The following MFF variants were observed in gnomAD, a reference collection of about 807,000 sequenced individuals.
MFF encodes the protein mitochondrial fission factor, also known as chromosome 2 open reading frame 33.
A neutral mutation model predicts 36.9 loss-of-function variants in MFF; 12 were observed. The ratio of observed to expected loss-of-function variants is 0.33; its 90% confidence interval spans 0.21 to 0.53. The LOEUF (loss-of-function observed/expected upper bound fraction) is 0.53, where lower values mean the gene tolerates loss of function less well. Among genes scored for constraint, MFF ranks in the 20% least tolerant of loss-of-function variants. The pLI, the probability that MFF is intolerant of heterozygous loss-of-function variation, is 0.95. For synonymous variants in MFF, 99 were observed against 126.2 expected, an observed-to-expected ratio of 0.78 and a Z score of 1.44; for missense variants, 348 against 366.6, an observed-to-expected ratio of 0.95 and a Z score of 0.42.
intron 3 of MFF, among the ~76,000 whole-genome samples, chr2:227,331,791 T>A (rs1471290996): frequency 6.6e-6 from 1 of 152,148 alleles, no homozygotes; most frequent in Non-Finnish European, 1.5e-5. Flanking sequence ...TTATATATAT[T>A]TGTTGTGAAG....
chr2:227,354,300 G>A (rs2076152782), intron 7 of MFF, among the ~76,000 whole-genome samples: 1 of 152,198 alleles, frequency 6.6e-6, no homozygotes, highest in Admixed American at 6.5e-5. Flanking sequence ...TGGATGAAAA[G>A]TATAATTCTG....
At chr2:227,334,484 G>C (rs1446517704) in intron 4 of MFF, among the ~76,000 whole-genome samples, 1 of 152,192 alleles carries the variant, frequency 6.6e-6, no homozygotes, top group Non-Finnish European at 1.5e-5. Flanking sequence ...GACTGAAATA[G>C]AGAAGCAGTA....
chr2:227,354,719 T>G (rs778494522), intron 7 of MFF, among the ~76,000 whole-genome samples: 1 of 151,574 alleles, frequency 6.6e-6, no homozygotes, highest in Non-Finnish European at 1.5e-5. Flanking sequence ...CTGGATTTTG[T>G]CTTAATGGTT....
chr2:227,325,538 C>T (rs1240181694), intron 1 of MFF, 111 bp downstream of exon 1: 3 of 152,150 alleles, frequency 2.0e-5, no homozygotes, highest in Non-Finnish European at 4.4e-5. Flanking sequence ...GCCCCGGCCC[C>T]CCCGGTAGTG....
chr2:227,356,024 C>A (rs941177852), intron 8 of MFF, among the ~76,000 whole-genome samples: 1 of 152,164 alleles, frequency 6.6e-6, no homozygotes. Flanking sequence ...CCATCAGTTG[C>A]TTGTTTGGCT....
At position 227,325,373 on chromosome 2, in the gene MFF, GC is replaced by G; in HGVS notation, c.-203del. 6.4e-6 allele frequency: 1 copy of G among 156,134 alleles called. No homozygotes were observed. Among genetic ancestry groups the G allele is most frequent in the Non-Finnish European group, 1.4e-5 (1 of 70,124 alleles). The allele number at this position is 156,134 out of a possible 1,614,324, so 9.7% of individuals were successfully genotyped here. Reference sequence around the variant, plus strand: ...CACCTCTGAGAGCGCCCACTCGAGCGCCCCGGGAGCCAGAGGGCGGGGGTCC... The same window carrying G: ...CACCTCTGAGAGCGCCCACTCGAGCGCCCGGGAGCCAGAGGGCGGGGGTCC... On this transcript the variant is annotated 5_prime_UTR_variant, in exon 1 of 9. Coordinates refer to ENST00000304593, the MANE Select transcript of MFF (RefSeq NM_001277062.2).
At chr2:227,343,438 C>T (rs569428049) in intron 5 of MFF, among the ~76,000 whole-genome samples, 6 of 152,084 alleles carry the variant, frequency 3.9e-5, no homozygotes, top group African/African-American at 7.2e-5. Flanking sequence ...GAAACTGCAC[C>T]GAAAGCCAAC....
intron 6 of MFF, among the ~76,000 whole-genome samples, chr2:227,347,621 A>T (rs1394785502): frequency 6.6e-6 from 1 of 152,140 alleles, no homozygotes; most frequent in Non-Finnish European, 1.5e-5. Context: ...AAGTGTAGTG[A>T]TTTTTTTCAA....
chr2:227,328,296 A>C (rs1032536763), intron 1 of MFF, among the ~76,000 whole-genome samples: 3 of 72,456 alleles, frequency 4.1e-5, no homozygotes, highest in Admixed American at 1.5e-4. Flanking sequence ...CCCGGGTGAC[A>C]AAAAAAAAAA....
At chr2:227,330,546 G>T (rs2074492393) in intron 2 of MFF, 80 bp from the exon 3 acceptor site, 4 of 948,160 alleles carry the variant, frequency 4.2e-6, no homozygotes, top group Non-Finnish European at 6.5e-6. Context: ...CTTTCTATAA[G>T]GTATTGTCTT....
At chr2:227,348,012 A>T (rs1345882652) in intron 6 of MFF, among the ~76,000 whole-genome samples, 1 of 152,128 alleles carries the variant, frequency 6.6e-6, no homozygotes, top group African/African-American at 2.4e-5. Context: ...CAGTTATCTC[A>T]AGTACTTTTT....
intron 5 of MFF, among the ~76,000 whole-genome samples, chr2:227,344,549 A>G (rs1356773220): frequency 6.6e-6 from 1 of 152,058 alleles, no homozygotes; most frequent in East Asian, 1.9e-4. Flanking sequence ...AAAAAATACC[A>G]ACAAGACTGC....
At chr2:227,342,668 A>T in intron 5 of MFF, 1 of 1,219,830 alleles carries the variant, frequency 8.2e-7, no homozygotes, top group Non-Finnish European at 1.2e-6. Flanking sequence ...GTGAATTCTA[A>T]ACAGTAAAAT....
At chr2:227,338,262 G>A (rs1180898314) in intron 4 of MFF, among the ~76,000 whole-genome samples, 2 of 151,334 alleles carry the variant, frequency 1.3e-5, no homozygotes, top group East Asian at 2.0e-4. Flanking sequence ...CCAGCTACTC[G>A]GGAGGGTGAG....
chr2:227,345,634 A>C (rs1418312293), intron 5 of MFF, among the ~76,000 whole-genome samples: 1 of 152,156 alleles, frequency 6.6e-6, no homozygotes, highest in African/African-American at 2.4e-5. Context: ...GAGAATTCTG[A>C]GTGTAAGACT....
Position 227,340,385 on chromosome 2 carries a change from G to A in MFF, c.440+5G>A. On this transcript the variant is annotated splice_donor_5th_base_variant and intron_variant, in intron 5 of 8. Transcript: ENST00000304593. Reference sequence around the variant, plus strand: ...GCTGGTCAGAAATGATTCTCTGTGAGTAGAAGCACTAGCATTTTATCTCGT... The same window carrying A: ...GCTGGTCAGAAATGATTCTCTGTGAATAGAAGCACTAGCATTTTATCTCGT... 1 of 1,607,980 alleles carries A rather than the reference G, an allele frequency of 6.2e-7. No individual in the cohort carries two copies. Among genetic ancestry groups the A allele is most frequent in the Non-Finnish European group, 8.5e-7 (1 of 1,174,602 alleles).
intron 1 of MFF, among the ~76,000 whole-genome samples, chr2:227,327,178 A>G (rs889629890): frequency 8.7e-5 from 13 of 148,884 alleles, no homozygotes; most frequent in South Asian, 2.1e-4. Flanking sequence ...TGAATATGGG[A>G]AAAAAAAAAC....
rs566104896 is a variant in MFF, at chr2:227,326,096, A to T, written c.-153+669A>T. On this transcript the variant is annotated intron_variant, in intron 1 of 8. Coordinates refer to ENST00000304593, the MANE Select transcript of MFF (RefSeq NM_001277062.2). ...CGAGCTTCTGACCTTCCTCTGCAGG[A>T]CGTGTGCTACTATTACTATCGTAAA... 1.4e-4 allele frequency among the ~76,000 whole-genome samples: 21 copies of T among 152,146 alleles called. No homozygotes were observed. The South Asian group carries it at 4.4e-3, about 32-fold the overall frequency.
chr2:227,350,915 A>G (rs2075963458), intron 6 of MFF, among the ~76,000 whole-genome samples: 1 of 152,304 alleles, frequency 6.6e-6, no homozygotes, highest in Non-Finnish European at 1.5e-5. Flanking sequence ...TTACTTTTAC[A>G]ATATATGTGT....
Sources: gnomAD v4.1 joint callset for allele counts (sites outside exome capture counted in the v4.1 genomes callset) on GRCh38, gnomAD v4.1.1 for gene constraint, MANE v1.5 for transcripts, NCBI Gene and HGNC (gene_info 2026-07-23, HGNC 2026-07-21) for gene names.